Variants in SAMD5 observed in about 807,000 individuals in gnomAD.
The protein encoded by SAMD5 is sterile alpha motif domain-containing protein 5.
Under a neutral mutation model 11.3 loss-of-function variants are expected in SAMD5, and 13 were observed. The ratio of observed to expected loss-of-function variants is 1.15; its 90% CI spans 0.75 to 1.83. SAMD5 has a LOEUF of 1.83. SAMD5 is among the 40% of genes most tolerant of loss of function. The probability of loss-of-function intolerance (pLI) is 0.00; values close to 1 mark genes in which losing one functional copy is unlikely to be tolerated. For missense variants in SAMD5, 255 were observed against 239.1 expected (o/e 1.07, Z -0.44); for synonymous variants, 129 against 111.3 (o/e 1.16, Z -1.00).
At chr6:147,905,456 C>T in the SAMD5 span, among the ~76,000 whole-genome samples, 1 of 152,200 alleles carries the variant, frequency 6.6e-6, no homozygotes, top group Non-Finnish European at 1.5e-5. Flanking sequence ...GCTAGGATTA[C>T]AGGCATGAGC....
the SAMD5 span, among the ~76,000 whole-genome samples, chr6:147,864,297 A>G: frequency 6.6e-6 from 1 of 152,236 alleles, no homozygotes; most frequent in African/African-American, 2.4e-5. Flanking sequence ...CTTAAGAGAA[A>G]GTGTCAGCCT....
chr6:147,800,528 C>G, the SAMD5 span, among the ~76,000 whole-genome samples: 3 of 152,200 alleles, frequency 2.0e-5, no homozygotes, highest in African/African-American at 7.2e-5. Context: ...CTTTGTTTGT[C>G]TGTGCCCTGC....
intron 1 of SAMD5, among the ~76,000 whole-genome samples, chr6:147,644,679 T>A (rs1790370517): frequency 6.6e-6 from 1 of 152,232 alleles, no homozygotes; most frequent in Non-Finnish European, 1.5e-5. Flanking sequence ...ATTGAAAACA[T>A]TGATTTTCCA....
At chr6:147,556,721 G>A (rs1380973888) in intron 1 of SAMD5, among the ~76,000 whole-genome samples, 3 of 152,132 alleles carry the variant, frequency 2.0e-5, no homozygotes, top group African/African-American at 7.2e-5. Flanking sequence ...ACTTTGTAGA[G>A]CTCAAATATG....
Position 147,639,041 on chromosome 6 carries a change from G to A in SAMD5, c.163-98276G>A, listed in dbSNP as rs565853077. 2.6e-5 allele frequency among the ~76,000 whole-genome samples: 4 copies of A among 152,310 alleles called. No individual in the cohort carries two copies. In the East Asian group the frequency reaches 7.7e-4, roughly 29 times the overall value. On this transcript the variant is annotated intron_variant, in intron 1 of 1. Coordinates refer to the SAMD5 transcript ENST00000566741. ...CTGGGTGAGTTCTGTGCCAGGCATT[G>A]TGCTATCTATTGTGATTCTAAAGAT...
chr6:147,770,984 G>A, the SAMD5 span, among the ~76,000 whole-genome samples: 1 of 152,216 alleles, frequency 6.6e-6, no homozygotes, highest in Non-Finnish European at 1.5e-5. Flanking sequence ...TCATATACTT[G>A]TAGAAAGGGA....
the SAMD5 span, among the ~76,000 whole-genome samples, chr6:147,805,642 G>C: frequency 2.3e-4 from 35 of 152,268 alleles, no homozygotes; most frequent in African/African-American, 8.4e-4. Flanking sequence ...ACTCAATCCT[G>C]AAGACACAAA....
Position 147,566,438 on chromosome 6 carries a change from C to G in SAMD5, c.*1982C>G, listed in dbSNP as rs1789042759. On this transcript the variant is annotated 3_prime_UTR_variant, in exon 2 of 2. Transcript: ENST00000367474. ...TCATTTCCAGGTGTCGCATCCGTGG[C>G]TGATTTATTTCACAGATGTACATTT... 6.1e-6 allele frequency: 6 copies of G among 984,622 alleles called. No homozygotes were observed. The highest frequency in any genetic ancestry group is 7.2e-6 in the Non-Finnish European group (6 of 828,988). The allele number at this position is 984,622 out of a possible 1,614,324, so 61.0% of individuals were successfully genotyped here. A position where few individuals can be genotyped will look rare whatever the true frequency, so the allele number is the denominator to read the frequency against.
chr6:147,777,107 A>G, the SAMD5 span, among the ~76,000 whole-genome samples: 1 of 152,148 alleles, frequency 6.6e-6, no homozygotes, highest in East Asian at 1.9e-4. Flanking sequence ...AAAAGCATGA[A>G]TGTTAGGCCC....
chr6:147,888,915 T>C, the SAMD5 span, among the ~76,000 whole-genome samples: 1 of 151,920 alleles, frequency 6.6e-6, no homozygotes, highest in Non-Finnish European at 1.5e-5. Flanking sequence ...TTTCTTTTTC[T>C]CTCTGCTTTC....
chr6:147,585,281 C>A (rs1789358126), intron 1 of SAMD5, among the ~76,000 whole-genome samples: 1 of 152,130 alleles, frequency 6.6e-6, no homozygotes, highest in South Asian at 2.1e-4. Flanking sequence ...ATAGAGATAA[C>A]TCCAAATGCC....
At chr6:147,582,850 T>G (rs1309060276) in intron 1 of SAMD5, among the ~76,000 whole-genome samples, 1 of 152,190 alleles carries the variant, frequency 6.6e-6, no homozygotes, top group Non-Finnish European at 1.5e-5. Context: ...ATTGGCCCAG[T>G]GTTCATGGTC....
chr6:147,744,020 G>A, the SAMD5 span, among the ~76,000 whole-genome samples: 1 of 152,158 alleles, frequency 6.6e-6, no homozygotes, highest in Non-Finnish European at 1.5e-5. Context: ...AAGCAGAGAG[G>A]CTTAATACCC....
At chr6:147,906,540 C>A in the SAMD5 span, among the ~76,000 whole-genome samples, 6 of 152,284 alleles carry the variant, frequency 3.9e-5, no homozygotes, top group African/African-American at 1.2e-4. Context: ...TTGACAAGTG[C>A]CTGGAGCAGT....
chr6:147,807,593 C>T, the SAMD5 span, among the ~76,000 whole-genome samples: 1 of 152,166 alleles, frequency 6.6e-6, no homozygotes, highest in Non-Finnish European at 1.5e-5. Context: ...CCACACAGTA[C>T]TGCATTAAAA....
chr6:147,625,399 C>A (rs1006760359), intron 1 of SAMD5, among the ~76,000 whole-genome samples: 2 of 152,206 alleles, frequency 1.3e-5, no homozygotes, highest in Non-Finnish European at 1.5e-5. Flanking sequence ...AAAGTCAACA[C>A]TGGCACTGGA....
At chr6:147,864,160 A>G in the SAMD5 span, among the ~76,000 whole-genome samples, 1 of 152,108 alleles carries the variant, frequency 6.6e-6, no homozygotes, top group Non-Finnish European at 1.5e-5. Flanking sequence ...TTGCCACCAA[A>G]CAGCATAAAC....
the SAMD5 span, among the ~76,000 whole-genome samples, chr6:147,810,164 A>C: frequency 6.6e-6 from 1 of 152,166 alleles, no homozygotes; most frequent in African/African-American, 2.4e-5. Flanking sequence ...TGTAATTATT[A>C]ATTCCCTTTT....
chr6:147,817,313 G>C, the SAMD5 span, among the ~76,000 whole-genome samples: 6 of 152,110 alleles, frequency 3.9e-5, no homozygotes, highest in Admixed American at 6.6e-5. Context: ...GTAATAGAAA[G>C]AGTTCATTTC....
Sources: allele counts gnomAD v4.1 joint callset (sites outside exome capture counted in the v4.1 genomes callset), GRCh38; gene constraint gnomAD v4.1.1; transcripts MANE v1.5; gene names NCBI Gene and HGNC (gene_info 2026-07-23, HGNC 2026-07-21).